NOX5: variants seen among roughly 807,000 people sequenced by gnomAD.
The protein encoded by NOX5 is NADPH oxidase 5.
Under a neutral mutation model 85.7 loss-of-function variants are expected in NOX5, and 76 were observed. The ratio of observed to expected loss-of-function variants is 0.89; its 90% confidence interval spans 0.74 to 1.07. NOX5 has a LOEUF of 1.07. Ranked by LOEUF, NOX5 falls within the 50% of genes least tolerant of loss-of-function variation. The pLI is 0.00. For synonymous variants in NOX5, 405 were observed against 401.4 expected, an observed-to-expected ratio of 1.01 and a Z score of -0.11; for missense variants, 973 against 999.5, an observed-to-expected ratio of 0.97 and a Z score of 0.36.
chr15:69,046,770 C>T (rs979967325), intron 10 of NOX5, 52 bp from the exon 11 acceptor site: 2 of 1,566,078 alleles, frequency 1.3e-6, no homozygotes, highest in African/African-American at 1.4e-5. Flanking sequence ...TCTAAGAAAT[C>T]CCTAACACTG....
chr15:69,032,567 C>T (rs973636974), intron 4 of NOX5, among the ~76,000 whole-genome samples: 3 of 152,174 alleles, frequency 2.0e-5, no homozygotes, highest in African/African-American at 7.2e-5. Flanking sequence ...CCAGCCACCA[C>T]GCCCAGCTAG....
intron 7 of NOX5, 36 bp downstream of exon 7, chr15:69,035,972 C>T (rs999478891): frequency 1.2e-6 from 2 of 1,611,312 alleles, no homozygotes; most frequent in Non-Finnish European, 1.7e-6. Context: ...TCCCCCAAGG[C>T]CAGGGTCCTA....
chr15:69,016,129 G>A (rs958980832), intron 1 of NOX5, among the ~76,000 whole-genome samples: 2 of 152,180 alleles, frequency 1.3e-5, no homozygotes. Context: ...ACCTCACTGG[G>A]CTGCACCAAA....
At chr15:69,032,438 TCTCA>T (rs2050449023) in intron 4 of NOX5, among the ~76,000 whole-genome samples, 1 of 148,622 alleles carries the variant, frequency 6.7e-6, no homozygotes. Context: ...TGAGACGGAG[TCTCA>T]CTCTGTCGCC....
At chr15:69,043,845 T>C (rs554980454) in intron 10 of NOX5, among the ~76,000 whole-genome samples, 1 of 152,332 alleles carries the variant, frequency 6.6e-6, no homozygotes, top group African/African-American at 2.4e-5. Context: ...ATTTTAAATA[T>C]GTATACCTAC....
chr15:69,039,428 C>T (rs1231481342), intron 9 of NOX5, among the ~76,000 whole-genome samples: 2 of 151,956 alleles, frequency 1.3e-5, no homozygotes, highest in African/African-American at 4.8e-5. Context: ...GAGGGACATA[C>T]AGAGAGAGAA....
chr15:69,035,237 G>A, intron 5 of NOX5, 117 bp from the exon 6 acceptor site: 2 of 1,142,526 alleles, frequency 1.8e-6, no homozygotes, highest in Non-Finnish European at 2.5e-6. Flanking sequence ...GGGGACTTTG[G>A]TGAGTGTCCT....
chr15:69,030,817 G>A (rs2050419156), intron 3 of NOX5: 1 of 152,256 alleles, frequency 6.6e-6, no homozygotes, highest in Non-Finnish European at 1.5e-5. Context: ...CTAGTTCTGA[G>A]AGGGAGAAAT....
chr15:69,048,558 T>C (rs2050705412), intron 13 of NOX5, among the ~76,000 whole-genome samples: 1 of 151,518 alleles, frequency 6.6e-6, no homozygotes, highest in Non-Finnish European at 1.5e-5. Context: ...AAAATAATAA[T>C]AATAATTAAA....
At chr15:69,017,235 T>A (rs1432830897) in intron 1 of NOX5, among the ~76,000 whole-genome samples, 2 of 152,058 alleles carry the variant, frequency 1.3e-5, no homozygotes, top group Non-Finnish European at 2.9e-5. Context: ...CACTACAACC[T>A]CCACCTCCTG....
chr15:69,043,967 T>A (rs2050629696), intron 10 of NOX5, among the ~76,000 whole-genome samples: 1 of 152,148 alleles, frequency 6.6e-6, no homozygotes, highest in Admixed American at 6.6e-5. Flanking sequence ...TGGCGGATCA[T>A]GAGGTCAGGA....
At chr15:69,055,235 C>A in intron 14 of NOX5, 99 bp from the exon 15 acceptor site, 1 of 1,321,884 alleles carries the variant, frequency 7.6e-7, no homozygotes, top group South Asian at 1.4e-5. Flanking sequence ...ACCTATGGGT[C>A]TCCTTCCAAG....
At chr15:69,056,322 C>T (rs920804536) in intron 15 of NOX5, among the ~76,000 whole-genome samples, 1 of 152,086 alleles carries the variant, frequency 6.6e-6, no homozygotes, top group African/African-American at 2.4e-5. Flanking sequence ...TTATTTCTGG[C>T]CCTGGTCCTC....
intron 3 of NOX5, chr15:69,028,766 T>C (rs311902): frequency 0.98 from 149,735 of 153,496 alleles, 73,151 homozygotes; most frequent in East Asian, 1. Context: ...TAAAAAAGAA[T>C]ACAAAAATCA....
chr15:69,055,650 AG>A (rs1273683581), intron 15 of NOX5, 150 bp downstream of exon 15: 1 of 753,072 alleles, frequency 1.3e-6, no homozygotes, highest in Non-Finnish European at 2.1e-6. Context: ...AAAGGTAAAC[AG>A]GGCACCTACA....
chr15:69,031,600 A>C lies in NOX5; in HGVS notation c.408A>C (p.Thr136=), dbSNP rs771463645. The change falls in exon 4 of 16, where the codon ACA becomes ACC. Residue 136 remains threonine, a synonymous_variant. Coordinates refer to ENST00000388866, the MANE Select transcript of NOX5 (RefSeq NM_024505.4). ...ACTGGGCTTCATCCCCACTCGGGACAGGCAGTGGCTCCATTGACCCGGATG... is the reference window on the plus strand; with the variant it reads ...ACTGGGCTTCATCCCCACTCGGGACCGGCAGTGGCTCCATTGACCCGGATG... ...GPHWASSPLG[T]GSGSIDPDEL... 4 of 1,613,288 alleles carry C rather than the reference A, an allele frequency of 2.5e-6. No individual in the cohort carries two copies. Among genetic ancestry groups the C allele is most frequent in the Non-Finnish European group, 2.5e-6 (3 of 1,180,032 alleles).
Position 69,028,323 on chromosome 15 carries a change from A to C in NOX5, c.283A>C (p.Met95Leu). The C allele has an allele frequency of 6.2e-7, 1 of 1,612,690 alleles. No homozygotes were observed. Among genetic ancestry groups the C allele is most frequent in the Non-Finnish European group, 8.5e-7 (1 of 1,179,286 alleles). ...GACCCTGCTCATCCATGGCAGCCCC[A>C]TGGACAAACTCAAATTCCTCTTCCA... ...ALTLLIHGSP[M>L]DKLKFLFQVY... The change falls in exon 3 of 16, where the codon ATG (methionine) becomes CTG (leucine). Residue 95 changes from methionine (M) to leucine (L), a missense_variant. Met to Leu is a conservative substitution (Grantham distance 15, BLOSUM62 2). Transcript: ENST00000388866.
At chr15:69,036,727 C>T (rs1011904683) in intron 7 of NOX5, among the ~76,000 whole-genome samples, 3 of 152,112 alleles carry the variant, frequency 2.0e-5, no homozygotes, top group Admixed American at 1.3e-4. Context: ...GAGAATGGGT[C>T]GGGGGTAGCG....
At position 69,035,456 on chromosome 15, in the gene NOX5, G is replaced by A. The variant is rs748636955; in HGVS notation, c.958G>A (p.Val320Met). ...NIQFHQLMGY[V>M]VVGLSLVHTV... ...CCAGTTCCACCAGCTTATGGGCTAC[G>A]TGGTAGTGGGGCTGTCCCTCGTGCA... is the stretch of plus-strand genomic sequence containing the variant. Residue 320 changes from valine (V) to methionine (M), a missense_variant, in exon 6 of 16, where the codon GTG (valine) becomes ATG (methionine). Coordinates refer to ENST00000388866, the MANE Select transcript of NOX5 (RefSeq NM_024505.4). 1.2e-5 allele frequency: 20 copies of A among 1,614,208 alleles called. 1 individual carries two copies. In the South Asian group the frequency reaches 1.4e-4, roughly 12 times the overall value.
Sources: allele counts gnomAD v4.1 joint callset (sites outside exome capture counted in the v4.1 genomes callset), GRCh38; gene constraint gnomAD v4.1.1; transcripts MANE v1.5; gene names NCBI Gene and HGNC (gene_info 2026-07-23, HGNC 2026-07-21).